MDFI: variants seen among roughly 807,000 people sequenced by gnomAD.
MDFI encodes the protein inhibitor of MyoD family a.
MDFI carries 16 observed loss-of-function variants against 22.3 expected under a neutral mutation model. The observed-to-expected ratio is 0.72, with a 90% CI of 0.49 to 1.09. MDFI has a LOEUF of 1.09. MDFI is among the 50% of genes least tolerant of loss of function. The pLI, the probability that MDFI is intolerant of heterozygous loss-of-function variation, is 0.00. For missense variants in MDFI, 314 were observed against 326.1 expected, an observed-to-expected ratio of 0.96 and a Z score of 0.29; for synonymous variants, 145 against 142.7, an observed-to-expected ratio of 1.02 and a Z score of -0.12.
chr6:41,650,093 A>C, intron 4 of MDFI: 2 of 451,864 alleles, frequency 4.4e-6, no homozygotes, highest in Non-Finnish European at 3.9e-6. Context: ...CTGCCTTCTC[A>C]AGGCCACCTC....
intron 3 of MDFI, among the ~76,000 whole-genome samples, chr6:41,649,114 G>A (rs187355467): frequency 6.6e-6 from 1 of 152,346 alleles, no homozygotes; most frequent in Admixed American, 6.5e-5. Context: ...GGATTCCAGA[G>A]CCAGGCGTTC....
intron 3 of MDFI, 48 bp from the exon 4 acceptor site, chr6:41,649,571 G>A (rs1768180037): frequency 1.1e-5 from 16 of 1,479,158 alleles, no homozygotes; most frequent in African/African-American, 4.2e-5. Context: ...TCTGGGGGCC[G>A]AATGACCCCC....
chr6:41,638,147 T>G (rs1767702694), upstream of MDFI: 1 of 152,666 alleles, frequency 6.6e-6, no homozygotes, highest in African/African-American at 2.4e-5. This position sits in a 1 kb window ranked among gnomAD's most constrained non-coding sequence, Gnocchi z 7.6. Context: ...CAGAAACTTT[T>G]GCAGAGTTTG....
chr6:41,647,679 T>C (rs1768101827), intron 3 of MDFI, among the ~76,000 whole-genome samples: 1 of 151,974 alleles, frequency 6.6e-6, no homozygotes, highest in African/African-American at 2.4e-5. Flanking sequence ...TAGAGGACCT[T>C]TGGCAAGTTT....
In MDFI at chr6:41,638,592, C is replaced by T. The variant is rs367875407; in HGVS notation, c.-72C>T. The T allele has an allele frequency of 3.6e-6, 3 of 829,512 alleles. No homozygotes were observed. Among genetic ancestry groups the T allele is most frequent in the South Asian group, 1.9e-5 (1 of 53,564 alleles). 51.4% of individuals were successfully genotyped at this position (829,512 alleles called of 1,614,324 possible). ...CCTGGGCAGGGGCGCCCGGAGCAGG[C>T]GCGCATGGCGGGCCCCGCGCGGGGA... On this transcript the variant is annotated 5_prime_UTR_variant, in exon 1 of 5. Coordinates refer to ENST00000230321, the MANE Select transcript of MDFI (RefSeq NM_005586.4). The surrounding 1 kb of genome is among the most constrained non-coding windows in gnomAD (Gnocchi z 7.6).
At chr6:41,641,826 C>T (rs112430339) in intron 2 of MDFI, among the ~76,000 whole-genome samples, 1,764 of 152,238 alleles carry the variant, frequency 0.012, 27 homozygotes, top group African/African-American at 0.039. Context: ...TTGAAACCAT[C>T]CCACCGGAAA....
intron 2 of MDFI, chr6:41,639,838 T>G: frequency 1.0e-6 from 1 of 985,430 alleles, no homozygotes; most frequent in Non-Finnish European, 1.2e-6. Context: ...CCTTCCCTTC[T>G]CTGGCCTGAG....
chr6:41,638,928 C>T lies in MDFI; in HGVS notation c.76+103C>T. ...CGTCCCCAGACGCGGGGAGACCGTT[C>T]CAGGGAGCTTGGTGGGGGTAGGGAC... On this transcript the variant is annotated intron_variant, in intron 2 of 4. Coordinates refer to ENST00000230321, the MANE Select transcript of MDFI (RefSeq NM_005586.4). The surrounding 1 kb of genome is among the most constrained non-coding windows in gnomAD (Gnocchi z 7.6). 7.8e-7 allele frequency: 1 copy of T among 1,285,924 alleles called. No homozygotes were observed. The allele number at this position is 1,285,924 out of a possible 1,614,324, so 79.7% of individuals were successfully genotyped here.
intron 2 of MDFI, among the ~76,000 whole-genome samples, chr6:41,644,630 C>T (rs975549571): frequency 6.6e-6 from 1 of 152,094 alleles, no homozygotes; most frequent in African/African-American, 2.4e-5. Flanking sequence ...CAACTCCCAT[C>T]CCCCAGGCCT....
intron 2 of MDFI, chr6:41,639,448 C>A: frequency 3.0e-6 from 3 of 985,438 alleles, no homozygotes; most frequent in Non-Finnish European, 3.6e-6. Flanking sequence ...CCGCGCCTGG[C>A]GCCGTCTGTA....
At chr6:41,644,535 G>T (rs1767976499) in intron 2 of MDFI, among the ~76,000 whole-genome samples, 1 of 122,028 alleles carries the variant, frequency 8.2e-6, no homozygotes, top group Admixed American at 7.5e-5. Context: ...GGTCATGAGG[G>T]TCACTGAGGG....
At chr6:41,650,647 C>G (rs539218800) in intron 4 of MDFI, among the ~76,000 whole-genome samples, 1 of 144,612 alleles carries the variant, frequency 6.9e-6, no homozygotes, top group Non-Finnish European at 1.5e-5. Context: ...AATCTTGGCT[C>G]ACTGCAACCT....
chr6:41,649,692 C>G lies in MDFI; in HGVS notation c.333C>G (p.Gly111=), dbSNP rs199762761. ...PNDSGHPSEL[G]GTRRAGNGAL... ...ACTCTGGCCACCCCTCAGAGCTGGG[C>G]GGCACCAGACGGGCGGGGAATGGTG... is the stretch of plus-strand genomic sequence containing the variant. Residue 111 remains glycine (G), a synonymous_variant, in exon 4 of 5, where the codon GGC becomes GGG. Coordinates refer to ENST00000230321, the MANE Select transcript of MDFI (RefSeq NM_005586.4). 6.2e-7 allele frequency: 1 copy of G among 1,613,676 alleles called. No homozygotes were observed. Among genetic ancestry groups the G allele is most frequent in the African/African-American group, 1.3e-5 (1 of 74,932 alleles).
intron 4 of MDFI, among the ~76,000 whole-genome samples, chr6:41,651,061 G>A (rs1444918402): frequency 6.6e-6 from 1 of 151,992 alleles, no homozygotes; most frequent in East Asian, 2.0e-4. Flanking sequence ...CAAAAAATTA[G>A]CCAGGCGTGG....
At chr6:41,649,864 T>G in intron 4 of MDFI, 21 bp downstream of exon 4, 9 of 1,599,000 alleles carry the variant, frequency 5.6e-6, no homozygotes, top group African/African-American at 1.3e-5. Context: ...ATCCCATCTC[T>G]CCCTGGGAGA....
At chr6:41,642,209 G>A (rs564779809) in intron 2 of MDFI, among the ~76,000 whole-genome samples, 1 of 152,248 alleles carries the variant, frequency 6.6e-6, no homozygotes, top group African/African-American at 2.4e-5. Flanking sequence ...GATGGAGCAG[G>A]TGCGCAGTTG....
chr6:41,652,870 G>A (rs571717679), intron 4 of MDFI, among the ~76,000 whole-genome samples: 3 of 151,934 alleles, frequency 2.0e-5, no homozygotes, highest in African/African-American at 4.8e-5. Flanking sequence ...CGCCCACCTC[G>A]GCCTCCCAAA....
intron 3 of MDFI, 148 bp downstream of exon 3, chr6:41,646,456 G>T: frequency 3.1e-6 from 2 of 650,598 alleles, no homozygotes; most frequent in Non-Finnish European, 4.7e-6. Flanking sequence ...GAAGGGCACT[G>T]TCACTGTGCT....
chr6:41,652,348 A>C (rs963877568), intron 4 of MDFI, among the ~76,000 whole-genome samples: 4 of 152,220 alleles, frequency 2.6e-5, no homozygotes, highest in Admixed American at 6.5e-5. Flanking sequence ...CACAGGGACC[A>C]CACTACAGGG....
Sources: gnomAD v4.1 joint callset for allele counts (sites outside exome capture counted in the v4.1 genomes callset) on GRCh38, gnomAD v4.1.1 for gene constraint, Gnocchi (gnomAD v3.1) non-coding constraint, MANE v1.5 for transcripts, NCBI Gene and HGNC (gene_info 2026-07-23, HGNC 2026-07-21) for gene names.